Variants in AMPD2 observed in about 807,000 individuals in gnomAD.
AMPD2 encodes the protein AMP deaminase 2.
In AMPD2, 52 loss-of-function variants were observed where a neutral mutation model predicts 91.3. The observed-to-expected ratio is 0.57, with a 90% CI of 0.46 to 0.72. The LOEUF is 0.72. AMPD2 is among the 30% of genes least tolerant of loss of function. The pLI is 0.00. For missense variants in AMPD2, 822 were observed against 1,122.3 expected (o/e 0.73, Z 3.82); for synonymous variants, 455 against 456.4 (o/e 1.00, Z 0.04).
rs1432622548 is a variant in AMPD2, at chr1:109,629,237, T to C, written c.1698+2T>C. 1 of 1,613,998 alleles carries C rather than the reference T, an allele frequency of 6.2e-7. No individual in the cohort carries two copies. Among genetic ancestry groups the C allele is most frequent in the Non-Finnish European group, 8.5e-7 (1 of 1,180,022 alleles). Reference sequence around the variant, plus strand: ...GAACTGCATCTCTTCTTAGAGCACGTGAGCAGGCAGCGCAGAGCTGGGTAT... The same window carrying C: ...GAACTGCATCTCTTCTTAGAGCACGCGAGCAGGCAGCGCAGAGCTGGGTAT... On this transcript the variant is annotated splice_donor_variant, in intron 14 of 18. Transcript: ENST00000528667. LOFTEE classifies it high-confidence loss of function.
At position 109,625,187 on chromosome 1, in the gene AMPD2, A is replaced by C. The variant is rs1009310752; in HGVS notation, c.92-116A>C. On this transcript the variant is annotated intron_variant, in intron 2 of 18. Transcript: ENST00000528667. The surrounding 1 kb of genome is among the most constrained non-coding windows in gnomAD (Gnocchi z 4.0). ...CCTACTCCTCAGCTACTGAGGAGGG[A>C]CTGCCCTCTTTCCCGACCCTGGGCT... 7.1e-7 allele frequency: 1 copy of C among 1,412,204 alleles called. No individual in the cohort carries two copies. Among genetic ancestry groups the C allele is most frequent in the East Asian group, 2.4e-5 (1 of 42,514 alleles). The allele number at this position is 1,412,204 out of a possible 1,614,324, so 87.5% of individuals were successfully genotyped here. A position where few individuals can be genotyped will look rare whatever the true frequency, so the allele number is the denominator to read the frequency against.
In AMPD2 at chr1:109,628,094, C is replaced by T. The variant is rs1650868288; in HGVS notation, c.1092C>T (p.His364=). The T allele has an allele frequency of 6.2e-6, 10 of 1,613,494 alleles. No homozygotes were observed. Among genetic ancestry groups the T allele is most frequent in the Non-Finnish European group, 8.5e-6 (10 of 1,179,678 alleles). Residue 364 remains histidine, a synonymous_variant, in exon 11 of 19, where the codon CAC becomes CAT. Transcript: ENST00000528667. This position sits in a 1 kb window ranked among gnomAD's most constrained non-coding sequence, Gnocchi z 7.1. ...CTGTTCCATTCCAGGTGGACACCCA[C>T]ATCCATGCCTCGTCCTGCATGAACC... The part of the protein sequence containing the change: ...DFYNIRKVDT[H]IHASSCMNQK...
In AMPD2 at chr1:109,625,331, G is replaced by A. The variant is rs950867870; in HGVS notation, c.120G>A (p.Pro40=). The change falls in exon 3 of 19, where the codon CCG becomes CCA. Residue 40 remains proline (P), a synonymous_variant. Transcript: ENST00000528667. The surrounding 1 kb of genome is among the most constrained non-coding windows in gnomAD (Gnocchi z 4.0). ...CTCGGGGTGGTCTGGGGGCCCCTCC[G>A]CTGCAGTCTGCCCGATCCCTGCCGG... ...PEARGGLGAP[P]LQSARSLPGP... 1.5e-5 allele frequency: 24 copies of A among 1,613,034 alleles called. No individual in the cohort carries two copies. The highest frequency in any genetic ancestry group is 2.2e-5 in the South Asian group (2 of 91,070).
At chr1:109,620,486 G>A (rs1050158586) in intron 1 of AMPD2, 2 of 1,170,560 alleles carry the variant, frequency 1.7e-6, no homozygotes, top group Non-Finnish European at 2.2e-6. Context: ...CAGACCCCCA[G>A]ACAAGGGGGT....
chr1:109,630,260 C>G lies in AMPD2; in HGVS notation c.2011C>G (p.Leu671Val). ...KAPVLQYLYY[L>V]AQIGIAMSPL... ...CCCCGTCCTGCAGTACCTGTACTAC[C>G]TGGCCCAGATCGGCATCGCCATGTC... The change falls in exon 17 of 19, where the codon CTG (leucine) becomes GTG (valine). Residue 671 changes from leucine to valine, a missense_variant. Leu to Val is a conservative substitution (Grantham distance 32, BLOSUM62 1). This residue lies in a region of AMPD2 where 430 missense variants were observed against 606.0 expected (regional missense o/e 0.71). Transcript: ENST00000528667. The G allele has an allele frequency of 6.2e-7, 1 of 1,613,602 alleles. No homozygotes were observed. Among genetic ancestry groups the G allele is most frequent in the Non-Finnish European group, 8.5e-7 (1 of 1,180,010 alleles).
At position 109,630,946 on chromosome 1, in the gene AMPD2, A is replaced by T. The variant is rs1395377032; in HGVS notation, c.2272A>T (p.Lys758Ter). The stretch of plus-strand genomic sequence containing the variant: ...CCATTACCCCCGCTCCTTGCAGGTA[A>T]AGAGCCACTGGCTGGGACCCAACTA... ...VLMSGFSHKV[K>*]SHWLGPNYTK... Residue 758 changes from lysine to a stop codon, truncating the protein, a stop_gained, in exon 19 of 19, where the codon AAG becomes TAG. Transcript: ENST00000528667. LOFTEE classifies it high-confidence loss of function. The T allele has an allele frequency of 6.2e-7, 1 of 1,614,020 alleles. No homozygotes were observed. The highest frequency in any genetic ancestry group is 8.5e-7 in the Non-Finnish European group (1 of 1,180,002).
Position 109,620,340 on chromosome 1 carries a change from G to A in AMPD2, c.-263+62G>A, listed in dbSNP as rs960782283. 16 of 1,604,678 alleles carry A rather than the reference G, an allele frequency of 1.0e-5. No individual in the cohort carries two copies. In the African/African-American group the frequency reaches 1.9e-4, roughly 19 times the overall value. ...GGGACAGAGAAGTGCTGTGGCCAGAGTGACAAGAGGGTGGGAGTCACAGCA... is the reference window on the plus strand; with the variant it reads ...GGGACAGAGAAGTGCTGTGGCCAGAATGACAAGAGGGTGGGAGTCACAGCA... On this transcript the variant is annotated intron_variant, in intron 1 of 18. Transcript: ENST00000528667.
chr1:109,631,472 G>A lies in AMPD2; in HGVS notation c.*320G>A, dbSNP rs567955129. 2.4e-5 allele frequency: 11 copies of A among 455,070 alleles called. No individual in the cohort carries two copies. Among genetic ancestry groups the A allele is most frequent in the South Asian group, 1.1e-4 (5 of 44,806 alleles). The allele number at this position is 455,070 out of a possible 1,614,324, so 28.2% of individuals were successfully genotyped here. On this transcript the variant is annotated 3_prime_UTR_variant, in exon 19 of 19. Transcript: ENST00000528667. ...TCCACAGGGGCTTGGGATGGTTGTG[G>A]GGGGCTGGCCCCTCTAGCCTTTCCG...
chr1:109,626,412 G>A lies in AMPD2; in HGVS notation c.516G>A (p.Gly172=). The change falls in exon 6 of 19, where the codon GGG becomes GGA. Residue 172 remains glycine, a synonymous_variant. Coordinates refer to ENST00000528667, the MANE Select transcript of AMPD2 (RefSeq NM_001368809.2). ...AGTTTCAGCGGGTCACCATCTCTGG[G>A]GAGGAGAAGTGTGGGGTAAGTATGG... ...EREFQRVTIS[G]EEKCGVPFTD... is the part of the protein sequence containing the mutation. 1 of 1,610,314 alleles carries A rather than the reference G, an allele frequency of 6.2e-7. No homozygotes were observed. The highest frequency in any genetic ancestry group is 1.3e-5 in the African/African-American group (1 of 74,770).
Position 109,625,282 on chromosome 1 carries a change from C to CT in AMPD2, c.92-20dup. 6.2e-7 allele frequency: 1 copy of CT among 1,611,054 alleles called. No individual in the cohort carries two copies. The highest frequency in any genetic ancestry group is 2.2e-5 in the East Asian group (1 of 44,792). On this transcript the variant is annotated intron_variant, in intron 2 of 18. Coordinates refer to ENST00000528667, the MANE Select transcript of AMPD2 (RefSeq NM_001368809.2). This position sits in a 1 kb window ranked among gnomAD's most constrained non-coding sequence, Gnocchi z 4.0. ...GGGGCTGCCCCTCCACCCTTTGACC[C>CT]TGGCATCACTGTCTCTGCAGAGGCT...
rs587777769 is a variant in AMPD2, at chr1:109,625,367, CT to C, written c.157del (p.Cys53AlafsTer80). The C allele has an allele frequency of 6.2e-7, 1 of 1,613,912 alleles. No individual in the cohort carries two copies. The highest frequency in any genetic ancestry group is 8.5e-7 in the Non-Finnish European group (1 of 1,179,966). On this transcript the variant is annotated frameshift_variant, in exon 3 of 19. Transcript: ENST00000528667. LOFTEE classifies it high-confidence loss of function. This position sits in a 1 kb window ranked among gnomAD's most constrained non-coding sequence, Gnocchi z 4.0. ...SARSLPGPAP[C>X]LKHFPLDLRT... The stretch of plus-strand genomic sequence containing the variant: ...CCCGATCCCTGCCGGGCCCCGCCCC[CT>C]GCCTCAAGCACTTCCCGCTCGACCT...
intron 17 of AMPD2, 60 bp downstream of exon 17, chr1:109,630,466 T>TG: frequency 1.0e-5 from 3 of 299,110 alleles, no homozygotes; most frequent in East Asian, 8.9e-5. Flanking sequence ...GTCTCCCGGG[T>TG]TGGGTGGGGG....
At chr1:109,629,256 T>C (rs1281337307) in intron 14 of AMPD2, 21 bp downstream of exon 14, 1 of 1,613,970 alleles carries the variant, frequency 6.2e-7, no homozygotes, top group African/African-American at 1.3e-5. Context: ...AGCGCAGAGC[T>C]GGGTATGGGG....
At chr1:109,620,823 G>A in intron 1 of AMPD2, 91 bp from the exon 2 acceptor site, 1 of 1,354,572 alleles carries the variant, frequency 7.4e-7, no homozygotes, top group Non-Finnish European at 9.5e-7. Context: ...CTGGCATGAT[G>A]GGGTGAGGGC....
chr1:109,620,402 C>G (rs544409526), intron 1 of AMPD2, 124 bp downstream of exon 1: 2 of 1,460,166 alleles, frequency 1.4e-6, no homozygotes, highest in African/African-American at 2.8e-5. Flanking sequence ...CAGCTCCTCC[C>G]AGGAGGGCCT....
At chr1:109,622,723 C>T (rs1323213607) in intron 2 of AMPD2, among the ~76,000 whole-genome samples, 1 of 152,018 alleles carries the variant, frequency 6.6e-6, no homozygotes, top group Non-Finnish European at 1.5e-5. Flanking sequence ...TCCTGCTCAC[C>T]CCAGGATTGC....
Position 109,630,735 on chromosome 1 carries a change from C to T in AMPD2, c.2210C>T (p.Ser737Phe). 6.2e-7 allele frequency: 1 copy of T among 1,612,202 alleles called. No individual in the cohort carries two copies. Among genetic ancestry groups the T allele is most frequent in the Non-Finnish European group, 8.5e-7 (1 of 1,179,464 alleles). Reference sequence around the variant, plus strand: ...GCCACCCAGGTGTGGAAGCTCAGCTCCTGCGATATGTGTGAGCTGGCCCGC... The same window carrying T: ...GCCACCCAGGTGTGGAAGCTCAGCTTCTGCGATATGTGTGAGCTGGCCCGC... ...SIATQVWKLS[S>F]CDMCELARNS... The change falls in exon 18 of 19, where the codon TCC becomes TTC. Residue 737 changes from serine to phenylalanine, a missense_variant. This residue lies in a region of AMPD2 where 430 missense variants were observed against 606.0 expected (regional missense o/e 0.71). Transcript: ENST00000528667.
chr1:109,630,366 C>A lies in AMPD2; in HGVS notation c.2117C>A (p.Ser706Tyr), dbSNP rs1419188118. Residue 706 changes from serine to tyrosine, a missense_variant, in exon 17 of 19, where the codon TCC becomes TAC. Transcript: ENST00000528667. ...PEYLSRGLMV[S>Y]LSTDDPLQFH... ...TACCTGTCCCGCGGCCTCATGGTCT[C>A]CCTGTCCACTGATGATCCCTTGCAG... 6.2e-7 allele frequency: 1 copy of A among 1,613,894 alleles called. No individual in the cohort carries two copies. The highest frequency in any genetic ancestry group is 1.7e-5 in the Admixed American group (1 of 60,000).
intron 16 of AMPD2, 131 bp from the exon 17 acceptor site, chr1:109,630,102 C>T: frequency 7.5e-7 from 1 of 1,332,180 alleles, no homozygotes; most frequent in Non-Finnish European, 1.1e-6. Context: ...ACTAATTCAC[C>T]CTTTGCACAT....
Sources: gnomAD v4.1 joint callset for allele counts (sites outside exome capture counted in the v4.1 genomes callset) on GRCh38, gnomAD v4.1.1 for gene constraint, gnomAD v4.1.1 regional missense constraint, Gnocchi (gnomAD v3.1) non-coding constraint, MANE v1.5 for transcripts, NCBI Gene and HGNC (gene_info 2026-07-23, HGNC 2026-07-21) for gene names.